Variants in DCC observed in about 807,000 individuals in gnomAD.
The protein encoded by DCC is netrin receptor DCC.
Under a neutral mutation model 172.5 loss-of-function variants are expected in DCC, and 58 were observed. The ratio of observed to expected loss-of-function variants is 0.34; its 90% CI spans 0.27 to 0.42. The LOEUF (loss-of-function observed/expected upper bound fraction) is 0.42. DCC is among the 10% of genes least tolerant of loss of function. DCC has a pLI of 1.00. For synonymous variants in DCC, 709 were observed against 644.5 expected (o/e 1.10, Z -1.52); for missense variants, 1,740 against 1,791.0 (o/e 0.97, Z 0.51).
At chr18:53,366,389 G>T (rs973670203) in intron 15 of DCC, among the ~76,000 whole-genome samples, 4 of 151,874 alleles carry the variant, frequency 2.6e-5, no homozygotes, top group Non-Finnish European at 5.9e-5. Flanking sequence ...AAATTTCATC[G>T]TTTAGCTAGT....
At chr18:53,377,290 G>C (rs1379623579) in intron 15 of DCC, among the ~76,000 whole-genome samples, 1 of 151,696 alleles carries the variant, frequency 6.6e-6, no homozygotes, top group Non-Finnish European at 1.5e-5. Flanking sequence ...GCTGCATCTG[G>C]TGAGGGACTT....
intron 1 of DCC, among the ~76,000 whole-genome samples, chr18:52,349,079 G>T (rs1984004253): frequency 6.6e-6 from 1 of 152,076 alleles, no homozygotes; most frequent in Non-Finnish European, 1.5e-5. Flanking sequence ...TTGAATTTGG[G>T]TATATTTCCA....
At chr18:53,162,967 C>T (rs988259170) in intron 8 of DCC, among the ~76,000 whole-genome samples, 1 of 152,186 alleles carries the variant, frequency 6.6e-6, no homozygotes, top group African/African-American at 2.4e-5. Flanking sequence ...CGACTTGATG[C>T]CTTAGCTGAA....
At chr18:53,187,906 G>A (rs72923213) in intron 9 of DCC, among the ~76,000 whole-genome samples, 14,883 of 152,142 alleles carry the variant, frequency 0.098, 1,045 homozygotes, top group African/African-American at 0.2. Context: ...AGCAATTACT[G>A]CTTCTAATTG....
intron 12 of DCC, among the ~76,000 whole-genome samples, chr18:53,253,171 T>C (rs185663115): frequency 1.3e-5 from 2 of 152,116 alleles, no homozygotes; most frequent in East Asian, 3.9e-4. Context: ...GGATCCGGAA[T>C]ATTTTGAAAA....
At chr18:52,943,740 T>TG (rs1469772620) in intron 5 of DCC, among the ~76,000 whole-genome samples, 1 of 80,060 alleles carries the variant, frequency 1.2e-5, no homozygotes, top group Non-Finnish European at 3.2e-5. Flanking sequence ...AATTTATGGT[T>TG]TTTTTTTTTG....
At chr18:53,304,852 T>C (rs937832710) in intron 12 of DCC, among the ~76,000 whole-genome samples, 1 of 152,246 alleles carries the variant, frequency 6.6e-6, no homozygotes, top group Non-Finnish European at 1.5e-5. Flanking sequence ...AGTCAACCTA[T>C]GATACGGTTT....
intron 7 of DCC, among the ~76,000 whole-genome samples, chr18:53,111,329 A>G (rs2043327838): frequency 6.6e-6 from 1 of 151,048 alleles, no homozygotes; most frequent in Non-Finnish European, 1.5e-5. Context: ...TAGCACACCA[A>G]CATGGCACAT....
chr18:52,692,369 C>T (rs941038975), intron 1 of DCC, among the ~76,000 whole-genome samples: 28 of 152,120 alleles, frequency 1.8e-4, no homozygotes, highest in African/African-American at 6.8e-4. Flanking sequence ...AAACCTCTGC[C>T]CTATAGACAT....
intron 13 of DCC, among the ~76,000 whole-genome samples, chr18:53,315,966 G>T (rs1006905658): frequency 6.6e-6 from 1 of 152,084 alleles, no homozygotes; most frequent in Non-Finnish European, 1.5e-5. Context: ...AAGCTCTTTA[G>T]TTTAATTAGC....
intron 12 of DCC, among the ~76,000 whole-genome samples, chr18:53,251,947 G>A (rs575942452): frequency 9.2e-5 from 14 of 151,918 alleles, no homozygotes; most frequent in African/African-American, 2.9e-4. Flanking sequence ...TTTTTCTGCT[G>A]AGGTCTCTTC....
chr18:53,210,671 A>G (rs2055736013), intron 11 of DCC, among the ~76,000 whole-genome samples: 1 of 152,228 alleles, frequency 6.6e-6, no homozygotes, highest in South Asian at 2.1e-4. Context: ...ATGCATCTGT[A>G]TTATAGTGAA....
intron 6 of DCC, 139 bp from the exon 7 acceptor site, chr18:53,065,907 G>A: frequency 2.1e-6 from 2 of 968,978 alleles, no homozygotes; most frequent in East Asian, 2.5e-5. Flanking sequence ...GGACACGTCT[G>A]CGAGGCTGAG....
At chr18:53,245,686 A>T (rs555267082) in intron 12 of DCC, among the ~76,000 whole-genome samples, 72 of 152,240 alleles carry the variant, frequency 4.7e-4, no homozygotes, top group African/African-American at 1.7e-3. Flanking sequence ...TAATACAGAT[A>T]TCTAATATAG....
intron 2 of DCC, among the ~76,000 whole-genome samples, chr18:52,779,059 ATTG>A (rs942709633): frequency 2.0e-5 from 3 of 150,696 alleles, no homozygotes; most frequent in African/African-American, 7.3e-5. Context: ...TGTCAATTTA[ATTG>A]TTGTGCTGAG....
At chr18:52,429,785 C>G (rs1203715644) in intron 1 of DCC, among the ~76,000 whole-genome samples, 1 of 152,124 alleles carries the variant, frequency 6.6e-6, no homozygotes, top group Admixed American at 6.6e-5. Context: ...TTACCAGTAA[C>G]AGTCATAGAT....
intron 5 of DCC, among the ~76,000 whole-genome samples, chr18:53,057,707 G>A (rs1156804510): frequency 6.6e-6 from 1 of 152,064 alleles, no homozygotes; most frequent in African/African-American, 2.4e-5. Flanking sequence ...GGAACAATTT[G>A]ATAAACTTAA....
intron 19 of DCC, among the ~76,000 whole-genome samples, chr18:53,407,778 A>C (rs894415372): frequency 6.6e-6 from 1 of 151,850 alleles, no homozygotes; most frequent in East Asian, 1.9e-4. Context: ...GGAGATGTGG[A>C]TCTTCATGGA....
chr18:53,295,047 T>A (rs2057049853), intron 12 of DCC, among the ~76,000 whole-genome samples: 1 of 152,196 alleles, frequency 6.6e-6, no homozygotes, highest in South Asian at 2.1e-4. Context: ...CATAAAATTT[T>A]ATTTAAAATC....
Sources: allele counts gnomAD v4.1 joint callset (sites outside exome capture counted in the v4.1 genomes callset), GRCh38; gene constraint gnomAD v4.1.1; transcripts MANE v1.5; gene names NCBI Gene and HGNC (gene_info 2026-07-23, HGNC 2026-07-21).